COL25A1: variants seen among roughly 807,000 people sequenced by gnomAD.
The protein encoded by COL25A1 is collagen alpha-1(XXV) chain.
Under a neutral mutation model 128.4 loss-of-function variants are expected in COL25A1, and 103 were observed. That is an observed-to-expected ratio of 0.80 (90% CI 0.68 to 0.94). COL25A1 has a LOEUF of 0.94. COL25A1 is among the 40% of genes least tolerant of loss of function. The probability of loss-of-function intolerance (pLI) is 0.00; values close to 1 mark genes in which losing one functional copy is unlikely to be tolerated. For missense variants in COL25A1, 745 were observed against 840.0 expected (o/e 0.89, Z 1.40); for synonymous variants, 279 against 277.2 (o/e 1.01, Z -0.06).
intron 11 of COL25A1, among the ~76,000 whole-genome samples, chr4:108,936,321 C>T (rs1747397787): frequency 6.6e-6 from 1 of 152,126 alleles, no homozygotes; most frequent in African/African-American, 2.4e-5. Flanking sequence ...GTAATCCCAG[C>T]ACTTTGGGAG....
At chr4:109,201,295 AC>A (rs1299277549) in intron 3 of COL25A1, among the ~76,000 whole-genome samples, 5 of 152,192 alleles carry the variant, frequency 3.3e-5, no homozygotes, top group African/African-American at 1.2e-4. Context: ...ATACTCCACA[AC>A]CAAGTGGGAT....
intron 3 of COL25A1, among the ~76,000 whole-genome samples, chr4:109,096,956 G>A (rs181201442): frequency 1.3e-5 from 2 of 152,254 alleles, no homozygotes; most frequent in African/African-American, 2.4e-5. Context: ...CTCCCACTGG[G>A]CAACCGTAAT....
intron 5 of COL25A1, among the ~76,000 whole-genome samples, chr4:109,035,308 T>G (rs1440668934): frequency 1.3e-5 from 2 of 152,202 alleles, no homozygotes; most frequent in Non-Finnish European, 2.9e-5. Context: ...CCATGGAGTC[T>G]AATTTACTGA....
At chr4:109,013,707 C>T (rs1004796620) in intron 5 of COL25A1, among the ~76,000 whole-genome samples, 13 of 152,076 alleles carry the variant, frequency 8.5e-5, no homozygotes, top group South Asian at 4.2e-4. Context: ...TAACACTCAC[C>T]GGGAAGGTCT....
At chr4:109,166,546 C>T (rs1773090587) in intron 3 of COL25A1, among the ~76,000 whole-genome samples, 1 of 152,204 alleles carries the variant, frequency 6.6e-6, no homozygotes, top group African/African-American at 2.4e-5. Flanking sequence ...TGTGACTCTA[C>T]TGTATTTGGA....
chr4:108,932,174 G>A (rs1482362031), intron 11 of COL25A1, among the ~76,000 whole-genome samples: 1 of 152,136 alleles, frequency 6.6e-6, no homozygotes, highest in East Asian at 1.9e-4. Context: ...CACAGTGAAG[G>A]AAAGCCATGA....
chr4:108,821,253 T>G (rs571868612), intron 35 of COL25A1, among the ~76,000 whole-genome samples: 1 of 152,342 alleles, frequency 6.6e-6, no homozygotes, highest in South Asian at 2.1e-4. Context: ...CTTGGATTTC[T>G]TGAATATGGG....
At chr4:109,038,503 T>A (rs1437464306) in intron 5 of COL25A1, among the ~76,000 whole-genome samples, 1 of 152,116 alleles carries the variant, frequency 6.6e-6, no homozygotes, top group African/African-American at 2.4e-5. Flanking sequence ...GCACCCTGAG[T>A]GATATAATCA....
intron 3 of COL25A1, among the ~76,000 whole-genome samples, chr4:109,268,933 T>C (rs1182227561): frequency 6.6e-6 from 1 of 152,100 alleles, no homozygotes; most frequent in Non-Finnish European, 1.5e-5. Flanking sequence ...GCAAATTCTT[T>C]TTCTTTTTTT....
At chr4:109,251,198 G>A (rs1023363055) in intron 3 of COL25A1, among the ~76,000 whole-genome samples, 7 of 152,078 alleles carry the variant, frequency 4.6e-5, no homozygotes, top group African/African-American at 1.7e-4. Context: ...AAAATAAAGA[G>A]GAAATAGGAT....
At chr4:109,268,533 C>T (rs1446751094) in intron 3 of COL25A1, among the ~76,000 whole-genome samples, 1 of 152,102 alleles carries the variant, frequency 6.6e-6, no homozygotes, top group African/African-American at 2.4e-5. Context: ...CCTTTCTGTT[C>T]CTGTACAATG....
At chr4:109,078,498 A>C (rs1763569620) in intron 3 of COL25A1, among the ~76,000 whole-genome samples, 1 of 152,246 alleles carries the variant, frequency 6.6e-6, no homozygotes, top group African/African-American at 2.4e-5. Flanking sequence ...TCAAAAAATA[A>C]AAGTTTAGAA....
At chr4:109,044,953 T>C (rs1336944447) in intron 5 of COL25A1, among the ~76,000 whole-genome samples, 1 of 152,148 alleles carries the variant, frequency 6.6e-6, no homozygotes. Context: ...TTGAACCACA[T>C]TGGTCCACTT....
At chr4:108,924,227 A>G (rs940429868) in intron 11 of COL25A1, among the ~76,000 whole-genome samples, 4 of 152,210 alleles carry the variant, frequency 2.6e-5, no homozygotes, top group African/African-American at 4.8e-5. Flanking sequence ...ATGGAGTAAC[A>G]TCACTAATCT....
At chr4:109,245,425 G>A (rs1053161861) in intron 3 of COL25A1, among the ~76,000 whole-genome samples, 2 of 151,286 alleles carry the variant, frequency 1.3e-5, no homozygotes, top group Non-Finnish European at 2.9e-5. Context: ...AATGGTGGAA[G>A]CCAAACTTGA....
intron 5 of COL25A1, among the ~76,000 whole-genome samples, chr4:109,039,404 C>A (rs370825974): frequency 6.6e-6 from 1 of 152,268 alleles, no homozygotes. Context: ...ATTTCATACA[C>A]CACTTCCCAA....
At chr4:109,230,907 G>A (rs1779122078) in intron 3 of COL25A1, among the ~76,000 whole-genome samples, 1 of 152,186 alleles carries the variant, frequency 6.6e-6, no homozygotes, top group South Asian at 2.1e-4. Context: ...TTGGGAGGCT[G>A]AGGTGGGCGA....
chr4:109,196,092 A>C (rs1216550621), intron 3 of COL25A1, among the ~76,000 whole-genome samples: 1 of 152,242 alleles, frequency 6.6e-6, no homozygotes, highest in Non-Finnish European at 1.5e-5. Flanking sequence ...GTCATGCTCC[A>C]TGCCTAATGC....
intron 3 of COL25A1, among the ~76,000 whole-genome samples, chr4:109,249,079 G>T (rs1395783879): frequency 6.6e-6 from 1 of 152,128 alleles, no homozygotes; most frequent in Non-Finnish European, 1.5e-5. Flanking sequence ...CACTGTCCAG[G>T]AATGTCTTCT....
Sources: allele counts gnomAD v4.1 joint callset (sites outside exome capture counted in the v4.1 genomes callset), GRCh38; gene constraint gnomAD v4.1.1; transcripts MANE v1.5; gene names NCBI Gene and HGNC (gene_info 2026-07-23, HGNC 2026-07-21).